RGS7: variants seen among roughly 807,000 people sequenced by gnomAD.
RGS7 encodes regulator of G-protein signaling 7.
A neutral mutation model predicts 81.1 loss-of-function variants in RGS7; 27 were observed. The observed-to-expected ratio is 0.33, with a 90% CI of 0.25 to 0.46. RGS7 has a LOEUF of 0.46. Among genes scored for constraint, RGS7 ranks in the 20% least tolerant of loss-of-function variants. RGS7 has a pLI of 1.00. For missense variants in RGS7, 396 were observed against 607.4 expected, an observed-to-expected ratio of 0.65 and a Z score of 3.66; for synonymous variants, 208 against 207.7, an observed-to-expected ratio of 1.00 and a Z score of -0.01.
At chr1:241,129,837 G>A (rs576703324) in intron 2 of RGS7, among the ~76,000 whole-genome samples, 20 of 152,210 alleles carry the variant, frequency 1.3e-4, no homozygotes, top group African/African-American at 1.4e-4. Context: ...CCTAAAGCAC[G>A]TGGGAGCATC....
chr1:241,111,847 A>G (rs548266098), intron 2 of RGS7, among the ~76,000 whole-genome samples: 1 of 152,330 alleles, frequency 6.6e-6, no homozygotes, highest in African/African-American at 2.4e-5. Flanking sequence ...TGTTATTCCC[A>G]TAAACTGACT....
In RGS7 at chr1:240,825,326, T is replaced by G. The variant is rs185417156; in HGVS notation, c.684+1772A>C. Among the ~76,000 whole-genome samples, 270 of 152,320 alleles carry G rather than the reference T, an allele frequency of 1.8e-3. 3 individuals are homozygous for G. The highest frequency in any genetic ancestry group is 6.3e-4 in the Non-Finnish European group (43 of 68,028). On this transcript the variant is annotated intron_variant, in intron 10 of 18. Transcript: ENST00000440928. ...GAGCTAAAGTATCAGTGGTGATACT[T>G]CTAAAAAATATTAGTATGTGGCTTG...
chr1:241,093,953 G>A (rs140742117), intron 3 of RGS7, among the ~76,000 whole-genome samples: 2 of 152,182 alleles, frequency 1.3e-5, no homozygotes, highest in East Asian at 1.9e-4. Flanking sequence ...AAGGGAAGTC[G>A]AAGTCGAAAA....
chr1:241,217,013 G>A (rs2147960860), intron 2 of RGS7, among the ~76,000 whole-genome samples: 1 of 152,320 alleles, frequency 6.6e-6, no homozygotes, highest in African/African-American at 2.4e-5. Flanking sequence ...TGGTGTTGTA[G>A]AATGAACATT....
At chr1:240,890,666 AGATT>A (rs1197355150) in intron 6 of RGS7, among the ~76,000 whole-genome samples, 2 of 152,268 alleles carry the variant, frequency 1.3e-5, no homozygotes, top group East Asian at 3.9e-4. Flanking sequence ...TGTGCTTTAT[AGATT>A]AATTATTTCT....
intron 2 of RGS7, among the ~76,000 whole-genome samples, chr1:241,262,139 T>C (rs886521114): frequency 6.6e-6 from 1 of 152,066 alleles, no homozygotes; most frequent in Non-Finnish European, 1.5e-5. Context: ...CCATTCCCCA[T>C]TCCCCCTTGC....
rs145406534 is a variant in RGS7 at position 241,194,343 on chromosome 1, T to C, written c.79-95581A>G. 7.9e-5 allele frequency among the ~76,000 whole-genome samples: 12 copies of C among 152,326 alleles called. No individual in the cohort carries two copies. The East Asian group carries it at 2.3e-3, about 29-fold the overall frequency. On this transcript the variant is annotated intron_variant, in intron 2 of 18. Transcript: ENST00000440928. ...CAATGGACATTCAACTGAAATATAA[T>C]TTTTTAAAGAATTTTATCAGTATAA...
At chr1:241,349,054 A>C (rs1477723721) in intron 2 of RGS7, among the ~76,000 whole-genome samples, 1 of 152,220 alleles carries the variant, frequency 6.6e-6, no homozygotes, top group African/African-American at 2.4e-5. Context: ...TGGAAACCTA[A>C]TATATACTAG....
intron 2 of RGS7, among the ~76,000 whole-genome samples, chr1:241,324,385 T>C (rs1408664305): frequency 6.6e-6 from 1 of 152,190 alleles, no homozygotes; most frequent in African/African-American, 2.4e-5. Context: ...GATTCTTTAT[T>C]TTTCTTCCTA....
At chr1:240,933,650 T>C (rs939219400) in intron 5 of RGS7, among the ~76,000 whole-genome samples, 4 of 151,878 alleles carry the variant, frequency 2.6e-5, no homozygotes, top group African/African-American at 9.7e-5. Context: ...AATGCATGAG[T>C]TTCTTGATTT....
In RGS7 at chr1:241,246,206, C is replaced by T. The variant is rs149199249; in HGVS notation, c.78+109493G>A. On this transcript the variant is annotated intron_variant, in intron 2 of 18. Coordinates refer to ENST00000440928, the MANE Select transcript of RGS7 (RefSeq NM_001364886.1). ...TCAAAGGCAATCAGAAATTGACATT[C>T]CCCCCAAAATCCAAAAATAGCAGGA... is the stretch of plus-strand genomic sequence containing the variant. Among the ~76,000 whole-genome samples, 1,468 of 152,120 alleles carry T rather than the reference C, an allele frequency of 9.7e-3. 11 individuals are homozygous for T. Among genetic ancestry groups the T allele is most frequent in the African/African-American group, 0.018 (753 of 41,516 alleles).
chr1:240,853,761 G>A (rs1013123233), intron 9 of RGS7, among the ~76,000 whole-genome samples: 1 of 151,642 alleles, frequency 6.6e-6, no homozygotes, highest in South Asian at 2.1e-4. Context: ...AATTAGCCGG[G>A]CGTGGTGCGG....
intron 2 of RGS7, among the ~76,000 whole-genome samples, chr1:241,172,410 A>C (rs1288104935): frequency 6.6e-6 from 1 of 152,216 alleles, no homozygotes; most frequent in African/African-American, 2.4e-5. Context: ...GTCACTCAGG[A>C]AAAAAATAAG....
At chr1:240,860,229 T>G (rs1445747074) in intron 9 of RGS7, among the ~76,000 whole-genome samples, 1 of 152,278 alleles carries the variant, frequency 6.6e-6, no homozygotes, top group East Asian at 1.9e-4. Context: ...GACGGTGAAC[T>G]TCAGTTAAAC....
chr1:240,964,648 C>A (rs966441238), intron 4 of RGS7, among the ~76,000 whole-genome samples: 3 of 152,164 alleles, frequency 2.0e-5, no homozygotes, highest in Non-Finnish European at 2.9e-5. Context: ...AGGATGGGGA[C>A]ATTTTGTGTG....
At chr1:240,992,874 G>T (rs1243066957) in intron 3 of RGS7, among the ~76,000 whole-genome samples, 1 of 151,184 alleles carries the variant, frequency 6.6e-6, no homozygotes, top group South Asian at 2.1e-4. Flanking sequence ...TATTAGCCGG[G>T]CATGGTGGCG....
intron 2 of RGS7, among the ~76,000 whole-genome samples, chr1:241,208,525 G>A (rs1159086258): frequency 2.0e-5 from 3 of 152,060 alleles, no homozygotes; most frequent in African/African-American, 4.8e-5. Flanking sequence ...GCACTTCAAT[G>A]AGCTGGTCTA....
At chr1:241,216,308 G>C (rs1349458270) in intron 2 of RGS7, among the ~76,000 whole-genome samples, 3 of 151,832 alleles carry the variant, frequency 2.0e-5, no homozygotes, top group African/African-American at 4.8e-5. Flanking sequence ...AATAAAAAAA[G>C]GAAGAAAAAT....
chr1:241,193,273 C>CA (rs2072817275), intron 2 of RGS7, among the ~76,000 whole-genome samples: 1 of 152,238 alleles, frequency 6.6e-6, no homozygotes, highest in East Asian at 1.9e-4. Context: ...AAACCTAATT[C>CA]TCCCGCAAGA....
Sources: allele counts gnomAD v4.1 joint callset (sites outside exome capture counted in the v4.1 genomes callset), GRCh38; gene constraint gnomAD v4.1.1; transcripts MANE v1.5; gene names NCBI Gene and HGNC (gene_info 2026-07-23, HGNC 2026-07-21).